The following PPFIBP2 variants were observed in gnomAD, a reference collection of about 807,000 sequenced individuals.
PPFIBP2 encodes liprin-beta-2.
In PPFIBP2, 118 loss-of-function variants were observed where a neutral mutation model predicts 118.3. That is an observed-to-expected ratio of 1.00 (90% CI 0.86 to 1.16). The LOEUF is 1.16. Among genes scored for constraint, PPFIBP2 ranks in the 50% most tolerant of loss-of-function variants. The pLI is 0.00. For synonymous variants in PPFIBP2, 414 were observed against 397.4 expected, an observed-to-expected ratio of 1.04 and a Z score of -0.50; for missense variants, 1,195 against 1,073.1, an observed-to-expected ratio of 1.11 and a Z score of -1.59.
At chr11:7,649,417 A>G in intron 20 of PPFIBP2, 115 bp from the exon 21 acceptor site, 4 of 1,413,558 alleles carry the variant, frequency 2.8e-6, no homozygotes, top group Non-Finnish European at 3.9e-6. Flanking sequence ...TGGTGTCTCC[A>G]CGTGCACCTT....
At chr11:7,536,077 CT>C (rs775172861) in intron 1 of PPFIBP2, among the ~76,000 whole-genome samples, 4 of 152,212 alleles carry the variant, frequency 2.6e-5, no homozygotes, top group Admixed American at 6.5e-5. Flanking sequence ...CACAACCACC[CT>C]TTCAGGTAGG....
chr11:7,523,844 T>A (rs1489606060), intron 1 of PPFIBP2, among the ~76,000 whole-genome samples: 1 of 152,204 alleles, frequency 6.6e-6, no homozygotes, highest in Non-Finnish European at 1.5e-5. Context: ...CTCTGCCTGC[T>A]TAGGGATGCC....
chr11:7,568,418 A>G (rs1299569133), intron 3 of PPFIBP2, among the ~76,000 whole-genome samples: 2 of 152,224 alleles, frequency 1.3e-5, no homozygotes, highest in African/African-American at 4.8e-5. Context: ...ACACAACTAT[A>G]CAACTGTGTG....
At chr11:7,570,765 T>A (rs184541869) in intron 3 of PPFIBP2, among the ~76,000 whole-genome samples, 65 of 151,856 alleles carry the variant, frequency 4.3e-4, no homozygotes, top group Admixed American at 2.7e-3. Flanking sequence ...TAGGAAGGAG[T>A]TAAAAGGCCA....
At chr11:7,568,652 A>G (rs1381328323) in intron 3 of PPFIBP2, among the ~76,000 whole-genome samples, 1 of 152,134 alleles carries the variant, frequency 6.6e-6, no homozygotes, top group East Asian at 1.9e-4. Flanking sequence ...AGAGTGGGGG[A>G]AAGTGGCCCT....
chr11:7,648,886 A>T lies in PPFIBP2; in HGVS notation c.1884A>T (p.Ala628=). 1 of 1,614,078 alleles carries T rather than the reference A, an allele frequency of 6.2e-7. No homozygotes were observed. Among genetic ancestry groups the T allele is most frequent in the East Asian group, 2.2e-5 (1 of 44,886 alleles). The change falls in exon 19 of 24, where the codon GCA becomes GCT. Residue 628 remains alanine (A), a synonymous_variant. Coordinates refer to ENST00000299492, the MANE Select transcript of PPFIBP2 (RefSeq NM_003621.5). Reference sequence around the variant, plus strand: ...ACACCAAACAGGAGGAGAAGTCTGCACTGCTAGACCACATTTGGGTGACAA... The same window carrying T: ...ACACCAAACAGGAGGAGAAGTCTGCTCTGCTAGACCACATTTGGGTGACAA... ...AINTKQEEKS[A]LLDHIWVTRW...
chr11:7,623,865 G>A (rs1262447415), intron 7 of PPFIBP2, among the ~76,000 whole-genome samples: 1 of 152,214 alleles, frequency 6.6e-6, no homozygotes, highest in African/African-American at 2.4e-5. Flanking sequence ...ATCTTCAGAA[G>A]CCATTGTCAC....
At chr11:7,561,223 G>C (rs987549355) in intron 2 of PPFIBP2, among the ~76,000 whole-genome samples, 1 of 152,120 alleles carries the variant, frequency 6.6e-6, no homozygotes, top group African/African-American at 2.4e-5. Flanking sequence ...CTGCCACCAT[G>C]CTTGGCTAAT....
chr11:7,637,201 C>T (rs1851563193), intron 14 of PPFIBP2, among the ~76,000 whole-genome samples: 1 of 152,170 alleles, frequency 6.6e-6, no homozygotes, highest in African/African-American at 2.4e-5. Context: ...TAAGCTGCTA[C>T]TTAGTCTTCT....
chr11:7,648,642 G>A, intron 18 of PPFIBP2, 105 bp downstream of exon 18: 2 of 1,528,692 alleles, frequency 1.3e-6, no homozygotes, highest in Admixed American at 1.7e-5. Context: ...GATGGATGGA[G>A]GAGGCTGAGA....
At position 7,616,978 on chromosome 11, in the gene PPFIBP2, T is replaced by C. The variant is rs1565064850; in HGVS notation, c.619-3957T>C. 3.5e-6 allele frequency: 1 copy of C among 288,198 alleles called. No individual in the cohort carries two copies. The highest frequency in any genetic ancestry group is 5.2e-6 in the Non-Finnish European group (1 of 192,742). The allele number at this position is 288,198 out of a possible 1,614,324, so 17.9% of individuals were successfully genotyped here. On this transcript the variant is annotated intron_variant, in intron 6 of 23. Transcript: ENST00000299492. This position sits in a 1 kb window ranked among gnomAD's most constrained non-coding sequence, Gnocchi z 5.2. ...TTCTGTTGTGGAAAGTGGAGGGCCG[T>C]CGACAGTGACCACTGAGTGCCACCT...
At chr11:7,592,490 C>T (rs1859513941) in intron 3 of PPFIBP2, among the ~76,000 whole-genome samples, 1 of 151,782 alleles carries the variant, frequency 6.6e-6, no homozygotes, top group Admixed American at 6.5e-5. Flanking sequence ...TAGCTTGCTT[C>T]TCTCAGCTCT....
At chr11:7,612,921 A>C (rs1022120710) in intron 6 of PPFIBP2, among the ~76,000 whole-genome samples, 1 of 152,220 alleles carries the variant, frequency 6.6e-6, no homozygotes. Flanking sequence ...CACTATTGTC[A>C]TGTGCATGGA....
At chr11:7,602,031 T>C (rs1388314082) in intron 5 of PPFIBP2, among the ~76,000 whole-genome samples, 1 of 142,410 alleles carries the variant, frequency 7.0e-6, no homozygotes, top group Non-Finnish European at 1.5e-5. Flanking sequence ...AGACGGAGGT[T>C]GCAGTGAGCC....
intron 6 of PPFIBP2, among the ~76,000 whole-genome samples, chr11:7,619,264 T>C (rs1455051006): frequency 1.3e-5 from 2 of 152,086 alleles, no homozygotes; most frequent in African/African-American, 2.4e-5. Flanking sequence ...GGGCCTGATA[T>C]AGTAGGGAGG....
At chr11:7,627,529 T>A (rs1448065722) in intron 8 of PPFIBP2, among the ~76,000 whole-genome samples, 2 of 152,176 alleles carry the variant, frequency 1.3e-5, no homozygotes, top group African/African-American at 4.8e-5. Flanking sequence ...AATCTAGCTA[T>A]GTGCCAATTC....
chr11:7,553,296 A>G (rs1049251558), intron 2 of PPFIBP2, among the ~76,000 whole-genome samples: 7 of 152,172 alleles, frequency 4.6e-5, no homozygotes, highest in East Asian at 1.9e-4. Flanking sequence ...TGGCTCACAC[A>G]GATATTTGAC....
chr11:7,640,213 C>A (rs1471144690), intron 15 of PPFIBP2, among the ~76,000 whole-genome samples: 2 of 152,054 alleles, frequency 1.3e-5, no homozygotes, highest in African/African-American at 4.8e-5. Context: ...TCTCAGACAC[C>A]CCCTTCTACC....
chr11:7,578,884 C>A (rs1856838862), intron 3 of PPFIBP2, among the ~76,000 whole-genome samples: 1 of 152,048 alleles, frequency 6.6e-6, no homozygotes, highest in South Asian at 2.1e-4. Flanking sequence ...TGCTGATTGT[C>A]CAGATTGAGA....
Sources: gnomAD v4.1 joint callset for allele counts (sites outside exome capture counted in the v4.1 genomes callset) on GRCh38, gnomAD v4.1.1 for gene constraint, Gnocchi (gnomAD v3.1) non-coding constraint, MANE v1.5 for transcripts, NCBI Gene and HGNC (gene_info 2026-07-23, HGNC 2026-07-21) for gene names.